The following CLECL1 variants were observed in gnomAD, a reference collection of about 807,000 sequenced individuals.
CLECL1 encodes C-type lectin-like domain family 1.
intron 3 of CLECL1, among the ~76,000 whole-genome samples, chr12:9,726,865 G>T (rs900672123): frequency 4.0e-5 from 6 of 151,894 alleles, no homozygotes; most frequent in Middle Eastern, 3.4e-3. Flanking sequence ...AACTTACATT[G>T]TACGAGATAG....
At chr12:9,729,413 T>G (rs1043698480) in intron 2 of CLECL1, among the ~76,000 whole-genome samples, 1 of 152,150 alleles carries the variant, frequency 6.6e-6, no homozygotes, top group African/African-American at 2.4e-5. Context: ...TAATGTATAT[T>G]TTATCACATG....
downstream of CLECL1, among the ~76,000 whole-genome samples, chr12:9,712,296 A>T (rs147468104): frequency 2.5e-3 from 385 of 152,326 alleles, 3 homozygotes; most frequent in Non-Finnish European, 3.8e-3. Flanking sequence ...AAGTCTAACG[A>T]TGTAAGTCTT....
the CLECL1 span, among the ~76,000 whole-genome samples, chr12:9,704,641 T>G: frequency 2.0e-5 from 3 of 152,192 alleles, no homozygotes; most frequent in Non-Finnish European, 1.5e-5. Context: ...AGCTCTCACT[T>G]ACAAGTGAGA....
At chr12:9,711,706 C>G (rs140839069), downstream of CLECL1, among the ~76,000 whole-genome samples, 169 of 151,936 alleles carry the variant, frequency 1.1e-3, no homozygotes, top group Non-Finnish European at 2.2e-3. Flanking sequence ...TTTTCCACCC[C>G]CTAAAGTTTG....
chr12:9,716,760 CA>C, exon 3 of CLECL1: 3 of 1,277,786 alleles, frequency 2.3e-6, no homozygotes, highest in South Asian at 1.2e-5. Context: ...ATGCATATGT[CA>C]AAAAAGATTG....
At chr12:9,718,898 T>G (rs1323904012), downstream of CLECL1, 1 of 584,996 alleles carries the variant, frequency 1.7e-6, no homozygotes, top group Non-Finnish European at 3.0e-6. Context: ...CTGTGATACT[T>G]TATTGAAACA....
At chr12:9,703,383 TTTATTTA>T in the CLECL1 span, among the ~76,000 whole-genome samples, 2 of 65,062 alleles carry the variant, frequency 3.1e-5, no homozygotes, top group South Asian at 6.7e-4. Context: ...AGGTTATTTA[TTTATTTA>T]TTTATTTATT....
chr12:9,732,364 T>C (rs1311251510), intron 1 of CLECL1, among the ~76,000 whole-genome samples: 1 of 152,154 alleles, frequency 6.6e-6, no homozygotes, highest in African/African-American at 2.4e-5. Flanking sequence ...AATCTATAAT[T>C]TTTGAGGGGG....
chr12:9,715,854 A>G (rs1439265977), downstream of CLECL1: 1 of 151,714 alleles, frequency 6.6e-6, no homozygotes, highest in Non-Finnish European at 1.5e-5. Context: ...AGTTTTTCTC[A>G]TTTTCTCATA....
chr12:9,728,015 T>A (rs1866400097), intron 2 of CLECL1, among the ~76,000 whole-genome samples: 1 of 151,822 alleles, frequency 6.6e-6, no homozygotes, highest in East Asian at 1.9e-4. Flanking sequence ...GTTTAGTGAG[T>A]TCCTATTAAT....
At chr12:9,732,721 C>G (rs1866461649) in intron 1 of CLECL1, among the ~76,000 whole-genome samples, 2 of 152,122 alleles carry the variant, frequency 1.3e-5, no homozygotes, top group Non-Finnish European at 2.9e-5. Flanking sequence ...AATAGAAAGG[C>G]TATGAAAACA....
chr12:9,702,487 G>A, the CLECL1 span, among the ~76,000 whole-genome samples: 1 of 152,152 alleles, frequency 6.6e-6, no homozygotes, highest in Non-Finnish European at 1.5e-5. Context: ...GGGCCAAAAA[G>A]CAACATGTGA....
chr12:9,710,337 G>A, the CLECL1 span, among the ~76,000 whole-genome samples: 7 of 152,130 alleles, frequency 4.6e-5, no homozygotes, highest in Non-Finnish European at 8.8e-5. Flanking sequence ...GGAAGCATCC[G>A]ACAGCAGTTT....
the CLECL1 span, among the ~76,000 whole-genome samples, chr12:9,704,385 G>A: frequency 3.0e-4 from 45 of 152,238 alleles, no homozygotes; most frequent in African/African-American, 9.9e-4. Flanking sequence ...GAGAGGAATA[G>A]GGATTAAGTT....
chr12:9,734,033 G>A (rs1244794329), upstream of CLECL1, among the ~76,000 whole-genome samples: 3 of 152,308 alleles, frequency 2.0e-5, no homozygotes, highest in East Asian at 5.8e-4. Context: ...AACCGTCATA[G>A]GACATAGAAA....
downstream of CLECL1, chr12:9,718,843 G>C (rs1866270855): frequency 1.5e-6 from 1 of 654,518 alleles, no homozygotes; most frequent in Non-Finnish European, 2.7e-6. Context: ...GGACTTCTAG[G>C]CTTTAGCTGT....
chr12:9,705,765 T>G, the CLECL1 span, among the ~76,000 whole-genome samples: 6 of 152,210 alleles, frequency 3.9e-5, no homozygotes, highest in Non-Finnish European at 7.3e-5. Context: ...ATGTGTCTGT[T>G]GTTGCACTGG....
At chr12:9,705,498 A>T in the CLECL1 span, among the ~76,000 whole-genome samples, 1 of 152,060 alleles carries the variant, frequency 6.6e-6, no homozygotes, top group East Asian at 1.9e-4. Flanking sequence ...CCTGAATGTT[A>T]TTGCTTAGGT....
downstream of CLECL1, chr12:9,718,797 T>C (rs1404903573): frequency 2.9e-6 from 2 of 697,248 alleles, no homozygotes; most frequent in African/African-American, 3.5e-5. Flanking sequence ...GAGAGATGCC[T>C]CAGAAGAAAC....
Sources: gnomAD v4.1 joint callset for allele counts (sites outside exome capture counted in the v4.1 genomes callset) on GRCh38, gnomAD v4.1.1 for gene constraint, MANE v1.5 for transcripts, NCBI Gene and HGNC (gene_info 2026-07-23, HGNC 2026-07-21) for gene names.